The following RHBDD1 variants were observed in gnomAD, a reference collection of about 807,000 sequenced individuals.
RHBDD1 encodes rhomboid domain containing 1.
A neutral mutation model predicts 36.3 loss-of-function variants in RHBDD1; 38 were observed. The observed-to-expected ratio is 1.05, with a 90% CI of 0.81 to 1.37. The LOEUF is 1.37. Among genes scored for constraint, RHBDD1 ranks in the 40% most tolerant of loss-of-function variants. The probability of loss-of-function intolerance (pLI) is 0.00; values close to 1 mark genes in which losing one functional copy is unlikely to be tolerated. For missense variants in RHBDD1, 393 were observed against 377.6 expected, an observed-to-expected ratio of 1.04 and a Z score of -0.34; for synonymous variants, 151 against 136.5, an observed-to-expected ratio of 1.11 and a Z score of -0.74.
At chr2:226,946,192 C>G (rs185839689) in intron 8 of RHBDD1, among the ~76,000 whole-genome samples, 1 of 152,202 alleles carries the variant, frequency 6.6e-6, no homozygotes, top group African/African-American at 2.4e-5. Flanking sequence ...GTTGCCATTG[C>G]TTTTGGTGTT....
At chr2:226,987,440 G>A (rs1198815253) in intron 8 of RHBDD1, among the ~76,000 whole-genome samples, 2 of 152,226 alleles carry the variant, frequency 1.3e-5, no homozygotes, top group African/African-American at 4.8e-5. Context: ...GTGCCCAGCT[G>A]CCAAAAGTCA....
the RHBDD1 span, among the ~76,000 whole-genome samples, chr2:226,806,490 G>A: frequency 1.3e-5 from 2 of 152,224 alleles, no homozygotes; most frequent in African/African-American, 4.8e-5. Context: ...GAAGACATTA[G>A]GAAATATATG....
At chr2:226,977,367 G>A (rs1004652486) in intron 8 of RHBDD1, among the ~76,000 whole-genome samples, 11 of 152,100 alleles carry the variant, frequency 7.2e-5, no homozygotes, top group Admixed American at 1.3e-4. Flanking sequence ...CTGAGTGTCC[G>A]AAATAGCCGG....
chr2:226,811,566 G>C, the RHBDD1 span, among the ~76,000 whole-genome samples: 3 of 152,190 alleles, frequency 2.0e-5, no homozygotes, highest in African/African-American at 7.2e-5. Flanking sequence ...GTCTCCCAAA[G>C]TGCTGGGATT....
chr2:226,948,165 C>T (rs954140103), intron 8 of RHBDD1, among the ~76,000 whole-genome samples: 5 of 145,730 alleles, frequency 3.4e-5, no homozygotes, highest in Non-Finnish European at 6.0e-5. Context: ...TTGGAACCAG[C>T]GCAAATGTCC....
At chr2:226,896,631 C>A (rs1947116807) in intron 5 of RHBDD1, among the ~76,000 whole-genome samples, 1 of 152,128 alleles carries the variant, frequency 6.6e-6, no homozygotes, top group Admixed American at 6.5e-5. Flanking sequence ...GAATAGATCA[C>A]TCCTAAAAAT....
chr2:226,986,053 C>A (rs887437661), intron 8 of RHBDD1, among the ~76,000 whole-genome samples: 3 of 152,238 alleles, frequency 2.0e-5, no homozygotes, highest in African/African-American at 7.2e-5. Context: ...GAGGGCATTT[C>A]ACCTCTATGG....
At chr2:226,940,194 G>C (rs1028275053) in intron 8 of RHBDD1, among the ~76,000 whole-genome samples, 5 of 151,818 alleles carry the variant, frequency 3.3e-5, no homozygotes, top group African/African-American at 1.2e-4. Flanking sequence ...GTTGGGATTC[G>C]ATCAGGCTGG....
At chr2:226,987,849 C>A (rs912978647) in intron 8 of RHBDD1, among the ~76,000 whole-genome samples, 2 of 152,216 alleles carry the variant, frequency 1.3e-5, no homozygotes, top group African/African-American at 2.4e-5. Context: ...CTTACTGCAT[C>A]AGAATCTGTG....
intron 5 of RHBDD1, among the ~76,000 whole-genome samples, chr2:226,893,562 A>G (rs905779979): frequency 1.8e-4 from 27 of 152,348 alleles, no homozygotes; most frequent in African/African-American, 5.5e-4. Context: ...TTTGCATAGT[A>G]TAGTCACATG....
At chr2:226,867,799 A>G (rs903622806) in intron 5 of RHBDD1, 2 of 335,822 alleles carry the variant, frequency 6.0e-6, no homozygotes, top group African/African-American at 2.3e-5. Context: ...GCTCACTGCA[A>G]CCTCCACCCC....
intron 8 of RHBDD1, among the ~76,000 whole-genome samples, chr2:226,936,647 G>A (rs1443618242): frequency 1.3e-5 from 2 of 152,064 alleles, no homozygotes; most frequent in South Asian, 2.1e-4. Flanking sequence ...CTACGTTTTG[G>A]GCTACCAAAT....
chr2:226,886,216 T>G lies in RHBDD1; in HGVS notation c.566+18898T>G, dbSNP rs189882051. On this transcript the variant is annotated intron_variant, in intron 5 of 8. Transcript: ENST00000392062. ...CAGGGATATTCTCTATTAGTCTTGT[T>G]CTCTGCTTATCCTCAGTGACTCAAA... is the stretch of plus-strand genomic sequence containing the variant. Among the ~76,000 whole-genome samples, 9 of 152,304 alleles carry G rather than the reference T, an allele frequency of 5.9e-5. No homozygotes were observed. In the East Asian group the frequency reaches 1.7e-3, roughly 29 times the overall value.
At chr2:226,834,921 G>A (rs1024984736), upstream of RHBDD1, among the ~76,000 whole-genome samples, 2 of 152,128 alleles carry the variant, frequency 1.3e-5, no homozygotes, top group African/African-American at 4.8e-5. Flanking sequence ...GATTACAGGC[G>A]CCCGCAACCA....
chr2:226,983,166 C>G (rs1956165556), intron 8 of RHBDD1, among the ~76,000 whole-genome samples: 1 of 152,174 alleles, frequency 6.6e-6, no homozygotes, highest in Non-Finnish European at 1.5e-5. Flanking sequence ...ATCCAGCTCA[C>G]TTGAGGTGCA....
chr2:226,905,936 A>G (rs1418902833), intron 5 of RHBDD1, among the ~76,000 whole-genome samples: 1 of 152,040 alleles, frequency 6.6e-6, no homozygotes, highest in African/African-American at 2.4e-5. Flanking sequence ...CTGGAAATTG[A>G]GGTCAAGTGC....
chr2:226,891,073 C>T (rs1167932015), intron 5 of RHBDD1, among the ~76,000 whole-genome samples: 2 of 152,188 alleles, frequency 1.3e-5, no homozygotes, highest in African/African-American at 4.8e-5. Context: ...AATCCAGTAG[C>T]TTAAAACAAC....
intron 3 of RHBDD1, among the ~76,000 whole-genome samples, chr2:226,841,180 T>G (rs1034593190): frequency 1.3e-5 from 2 of 152,166 alleles, no homozygotes; most frequent in African/African-American, 4.8e-5. Flanking sequence ...TTACCTAGAT[T>G]GGAGTGCAGT....
intron 5 of RHBDD1, among the ~76,000 whole-genome samples, chr2:226,875,673 G>A (rs1252815116): frequency 6.6e-6 from 1 of 152,194 alleles, no homozygotes; most frequent in Non-Finnish European, 1.5e-5. Flanking sequence ...AAATAATAGG[G>A]CAGATGATGA....
Sources: allele counts gnomAD v4.1 joint callset (sites outside exome capture counted in the v4.1 genomes callset), GRCh38; gene constraint gnomAD v4.1.1; transcripts MANE v1.5; gene names NCBI Gene and HGNC (gene_info 2026-07-23, HGNC 2026-07-21).